The following PUDP variants were observed in gnomAD, a reference collection of about 807,000 sequenced individuals.
PUDP encodes the protein pseudouridine 5'-phosphatase, also known as pseudouridine-5'-phosphatase.
PUDP carries 8 observed loss-of-function variants against 9.4 expected under a neutral mutation model. That is an observed-to-expected ratio of 0.85 (90% CI 0.50 to 1.53). The LOEUF is 1.53. Among genes scored for constraint, PUDP ranks in the 40% most tolerant of loss-of-function variants. The pLI, the probability that PUDP is intolerant of heterozygous loss-of-function variation, is 0.00. For synonymous variants in PUDP, 99 were observed against 80.7 expected (o/e 1.23, Z -1.22); for missense variants, 188 against 189.7 (o/e 0.99, Z 0.05).
chrX:6,837,479 C>A (rs1663015182), intron 3 of PUDP, among the ~76,000 whole-genome samples: 1 of 112,958 alleles, frequency 8.9e-6, no homozygotes, highest in Non-Finnish European at 1.9e-5. Flanking sequence ...CTACCGTTAG[C>A]AAATTGTGCT....
rs185924799 is a variant in PUDP, at chrX:6,833,667, C to T, written c.*248-127201G>A. ...GATACATGGATAGTCTGACTGACAG[C>T]TATTTGGATAAGTTGGTCTTTGAAC... On this transcript the variant is annotated intron_variant and NMD_transcript_variant, in intron 3 of 3. Coordinates refer to the PUDP transcript ENST00000655425. 8.5e-4 allele frequency among the ~76,000 whole-genome samples: 95 copies of T among 112,166 alleles called. 1 individual carries two copies. The Admixed American group carries it at 8.9e-3, about 10-fold the overall frequency.
At chrX:6,714,515 TGATA>T (rs1004483604) in intron 1 of PUDP, among the ~76,000 whole-genome samples, 6 of 110,822 alleles carry the variant, frequency 5.4e-5, no homozygotes, top group Non-Finnish European at 1.1e-4. Flanking sequence ...TGATAGATGA[TGATA>T]GATAAATGGA....
At chrX:6,833,134 A>G (rs1241453769) in intron 3 of PUDP, among the ~76,000 whole-genome samples, 2 of 112,497 alleles carry the variant, frequency 1.8e-5, no homozygotes, top group African/African-American at 6.5e-5. Context: ...AAGAAATGCA[A>G]GACTACATTT....
chrX:6,829,160 C>T (rs1926468418), intron 3 of PUDP, among the ~76,000 whole-genome samples: 1 of 111,469 alleles, frequency 9.0e-6, no homozygotes, highest in Non-Finnish European at 1.9e-5. Flanking sequence ...TGATCTTGGA[C>T]TTCCAGCCTC....
At chrX:6,974,514 T>C (rs1176673662) in intron 3 of PUDP, among the ~76,000 whole-genome samples, 2 of 112,169 alleles carry the variant, frequency 1.8e-5, no homozygotes, top group Admixed American at 9.4e-5. Context: ...AAAATTCTTT[T>C]CTTTAAGAAT....
chrX:6,944,848 T>A (rs1317496365), intron 3 of PUDP, among the ~76,000 whole-genome samples: 1 of 111,259 alleles, frequency 9.0e-6, no homozygotes, highest in Non-Finnish European at 1.9e-5. Flanking sequence ...GTCATGCCCA[T>A]GGACCAGAGC....
Position 6,848,608 on chromosome X carries a change from T to C in PUDP, c.*247+128525A>G, listed in dbSNP as rs1000351210. On this transcript the variant is annotated intron_variant and NMD_transcript_variant, in intron 3 of 3. Coordinates refer to the PUDP transcript ENST00000655425. The stretch of plus-strand genomic sequence containing the variant: ...GGATGTTTCTCCCCTCTAAATCTCA[T>C]GTTGAAATGTGCTTCCCAGTGTCCC... Among the ~76,000 whole-genome samples the C allele has an allele frequency of 1.8e-5, 2 of 112,190 alleles. 1 individual carries two copies. The highest frequency in any genetic ancestry group is 3.8e-5 in the Non-Finnish European group (2 of 53,217).
chrX:7,050,569 G>A (rs1365832383), intron 3 of PUDP, 97 bp from the exon 4 acceptor site: 2 of 782,120 alleles, frequency 2.6e-6, no homozygotes, highest in Non-Finnish European at 3.7e-6. Context: ...CTGCAACTGT[G>A]CAGAAAGAGA....
intron 3 of PUDP, among the ~76,000 whole-genome samples, chrX:6,782,408 A>G (rs1235532814): frequency 9.0e-6 from 1 of 110,559 alleles, no homozygotes; most frequent in Non-Finnish European, 1.9e-5. Flanking sequence ...CATCTCTACT[A>G]AAAATATAAA....
At chrX:6,917,642 C>T (rs1927956386) in intron 3 of PUDP, among the ~76,000 whole-genome samples, 1 of 112,123 alleles carries the variant, frequency 8.9e-6, no homozygotes, top group Non-Finnish European at 1.9e-5. Context: ...TGCATTGTTA[C>T]TTCAGATGTA....
At chrX:6,858,437 C>A (rs1926946223) in intron 3 of PUDP, among the ~76,000 whole-genome samples, 1 of 107,755 alleles carries the variant, frequency 9.3e-6, no homozygotes, top group Admixed American at 1.0e-4. Flanking sequence ...TCAAGCCATC[C>A]TCCCACCTCA....
downstream of PUDP, among the ~76,000 whole-genome samples, chrX:7,046,273 C>T (rs1929982793): frequency 9.0e-6 from 1 of 111,431 alleles, no homozygotes; most frequent in Non-Finnish European, 1.9e-5. Context: ...TAGGACTGAA[C>T]TCCTTGTAAG....
chrX:6,990,728 G>A (rs1039344743), intron 1 of PUDP, among the ~76,000 whole-genome samples: 24 of 112,113 alleles, frequency 2.1e-4, no homozygotes, highest in African/African-American at 7.1e-4. Flanking sequence ...AATGCCGCAT[G>A]GGCCGGGAAC....
intron 1 of PUDP, among the ~76,000 whole-genome samples, chrX:6,981,451 T>C (rs1397346907): frequency 8.9e-6 from 1 of 111,736 alleles, no homozygotes; most frequent in Non-Finnish European, 1.9e-5. Flanking sequence ...TATTCCCATA[T>C]TCTTGAAACA....
chrX:6,723,672 A>AAAAC (rs1924703358), upstream of PUDP, among the ~76,000 whole-genome samples: 3 of 99,792 alleles, frequency 3.0e-5, no homozygotes, highest in Non-Finnish European at 6.0e-5. Context: ...ACCCCACCAA[A>AAAAC]AAAACAAAAC....
chrX:6,827,492 G>C (rs767971225), intron 3 of PUDP, among the ~76,000 whole-genome samples: 1 of 111,500 alleles, frequency 9.0e-6, no homozygotes, highest in Non-Finnish European at 1.9e-5. Flanking sequence ...TCATTTACTC[G>C]GAGTTTGCCC....
intron 3 of PUDP, among the ~76,000 whole-genome samples, chrX:6,759,510 A>G (rs5989567): frequency 0.18 from 20,275 of 110,683 alleles, 1,948 homozygotes; most frequent in African/African-American, 0.36. Flanking sequence ...TGTGCATTGT[A>G]AGATGTTTAG....
intron 3 of PUDP, among the ~76,000 whole-genome samples, chrX:6,963,518 C>T (rs780627823): frequency 8.9e-6 from 1 of 111,853 alleles, no homozygotes; most frequent in Non-Finnish European, 1.9e-5. Flanking sequence ...AGTGGGTATT[C>T]ATTGGAGAAT....
intron 3 of PUDP, among the ~76,000 whole-genome samples, chrX:6,784,077 G>A (rs1286379471): frequency 9.0e-6 from 1 of 111,400 alleles, no homozygotes; most frequent in Non-Finnish European, 1.9e-5. Flanking sequence ...TTCTGGAAGC[G>A]CAGACACACC....
Sources: allele counts gnomAD v4.1 joint callset (sites outside exome capture counted in the v4.1 genomes callset), GRCh38; gene constraint gnomAD v4.1.1; transcripts MANE v1.5; gene names NCBI Gene and HGNC (gene_info 2026-07-23, HGNC 2026-07-21).